CFAP299: variants seen among roughly 807,000 people sequenced by gnomAD.
CFAP299 encodes the protein cilia and flagella associated protein 299.
CFAP299 carries 21 observed loss-of-function variants against 27.0 expected under a neutral mutation model. The ratio of observed to expected loss-of-function variants is 0.78; its 90% CI spans 0.55 to 1.12. The LOEUF (loss-of-function observed/expected upper bound fraction) is 1.12. Ranked by LOEUF, CFAP299 falls within the 50% of genes most tolerant of loss-of-function variation. CFAP299 has a pLI of 0.00. For missense variants in CFAP299, 310 were observed against 276.6 expected (o/e 1.12, Z -0.86); for synonymous variants, 104 against 98.1 (o/e 1.06, Z -0.36).
At chr4:80,636,150 C>G (rs763880894) in intron 3 of CFAP299, among the ~76,000 whole-genome samples, 1 of 152,148 alleles carries the variant, frequency 6.6e-6, no homozygotes, top group East Asian at 1.9e-4. Flanking sequence ...TTCTCTGAAA[C>G]CTTCCTCCTT....
At chr4:80,895,561 A>G (rs1734573697) in intron 4 of CFAP299, among the ~76,000 whole-genome samples, 1 of 152,028 alleles carries the variant, frequency 6.6e-6, no homozygotes, top group Non-Finnish European at 1.5e-5. Context: ...CAGAAAATAT[A>G]TATATAATTT....
chr4:80,762,804 T>C (rs1725610618), intron 3 of CFAP299, among the ~76,000 whole-genome samples: 1 of 152,072 alleles, frequency 6.6e-6, no homozygotes, highest in Non-Finnish European at 1.5e-5. Flanking sequence ...CAGCATCCAA[T>C]GATGGACACA....
intron 2 of CFAP299, among the ~76,000 whole-genome samples, chr4:80,369,100 T>A (rs963850830): frequency 6.6e-6 from 1 of 152,192 alleles, no homozygotes; most frequent in African/African-American, 2.4e-5. Flanking sequence ...GGCCTTAGTA[T>A]CTCCACTGTA....
intron 2 of CFAP299, among the ~76,000 whole-genome samples, chr4:80,513,324 C>G (rs1288089112): frequency 1.3e-5 from 2 of 152,154 alleles, no homozygotes; most frequent in East Asian, 1.9e-4. Context: ...TCAGAGCAAG[C>G]ATCAGCAAAC....
rs536443259 is a variant in CFAP299, at chr4:80,341,105, C to T, written c.111+5226C>T. ...CTGCTTCTTTGAGTTAGATTCCAAT[C>T]CATTCCTTCCCACTGGGCAGGGGCC... On this transcript the variant is annotated intron_variant, in intron 1 of 5. Coordinates refer to ENST00000358105, the MANE Select transcript of CFAP299 (RefSeq NM_152770.3). Among the ~76,000 whole-genome samples the T allele has an allele frequency of 3.9e-5, 6 of 152,312 alleles. No homozygotes were observed. In the South Asian group the frequency reaches 1.2e-3, roughly 32 times the overall value.
At position 80,799,820 on chromosome 4, in the gene CFAP299, T is replaced by TTATATA. The variant is rs1394788228; in HGVS notation, c.334-70169_334-70164dup. ...ATTATATAATATATAAATATATATATTATATATATTTATATATTATATTAT... is the reference window on the plus strand; with the variant it reads ...ATTATATAATATATAAATATATATATTATATATATATATATTTATATATTATATTAT... On this transcript the variant is annotated intron_variant, in intron 3 of 5. Coordinates refer to ENST00000358105, the MANE Select transcript of CFAP299 (RefSeq NM_152770.3). 1.2e-3 allele frequency among the ~76,000 whole-genome samples: 44 copies of TTATATA among 36,510 alleles called. 1 individual carries two copies. Among genetic ancestry groups the TTATATA allele is most frequent in the Non-Finnish European group, 1.2e-3 (29 of 23,246 alleles). 24.0% of individuals were successfully genotyped at this position (36,510 alleles called of 152,430 possible).
intron 4 of CFAP299, among the ~76,000 whole-genome samples, chr4:80,930,699 A>T (rs1736570753): frequency 1.3e-5 from 2 of 152,128 alleles, no homozygotes; most frequent in South Asian, 2.1e-4. Flanking sequence ...TCACTCAGAC[A>T]CACCTGCTTA....
At chr4:80,772,734 C>T (rs2110084961) in intron 3 of CFAP299, among the ~76,000 whole-genome samples, 1 of 151,898 alleles carries the variant, frequency 6.6e-6, no homozygotes, top group South Asian at 2.1e-4. Context: ...TCCCAAAAGG[C>T]CCCGGAGTGT....
intron 2 of CFAP299, among the ~76,000 whole-genome samples, chr4:80,468,649 A>G (rs1729830026): frequency 6.6e-6 from 1 of 151,680 alleles, no homozygotes; most frequent in East Asian, 2.0e-4. Flanking sequence ...AGCCTGGCCA[A>G]TATGGTGAAA....
chr4:80,761,920 A>C (rs1250424402), intron 3 of CFAP299, among the ~76,000 whole-genome samples: 2 of 152,054 alleles, frequency 1.3e-5, no homozygotes, highest in Non-Finnish European at 2.9e-5. Context: ...ACACCAAATC[A>C]ATATAATTTT....
At chr4:80,502,014 T>G (rs368719272) in intron 2 of CFAP299, among the ~76,000 whole-genome samples, 7 of 152,182 alleles carry the variant, frequency 4.6e-5, no homozygotes, top group African/African-American at 1.4e-4. Flanking sequence ...TACGGATGAT[T>G]ACTTTTATAA....
chr4:80,862,065 G>A (rs542543847), intron 3 of CFAP299, among the ~76,000 whole-genome samples: 53 of 152,080 alleles, frequency 3.5e-4, no homozygotes, highest in East Asian at 3.1e-3. Context: ...TAATTTCACC[G>A]GCAATTCAAA....
intron 2 of CFAP299, chr4:80,388,646 A>G (rs1050835831): frequency 1.3e-5 from 17 of 1,287,934 alleles, no homozygotes; most frequent in Non-Finnish European, 1.9e-5. Flanking sequence ...TTGGCCATCC[A>G]GTAATGATGG....
intron 2 of CFAP299, among the ~76,000 whole-genome samples, chr4:80,460,645 T>TTTTATGCGTAAGAAA (rs756405889): frequency 1.5e-4 from 23 of 152,302 alleles, no homozygotes; most frequent in Non-Finnish European, 2.9e-5. Context: ...TCTGTTGTGT[T>TTTTATGCGTAAGAAA]TAACCACTGA....
At chr4:80,495,546 G>A (rs571552518) in intron 2 of CFAP299, among the ~76,000 whole-genome samples, 150 of 152,214 alleles carry the variant, frequency 9.9e-4, no homozygotes, top group African/African-American at 3.4e-3. Flanking sequence ...TCACACCTAT[G>A]ATCTCACCAT....
intron 2 of CFAP299, among the ~76,000 whole-genome samples, chr4:80,422,444 G>A (rs192540940): frequency 4.6e-5 from 7 of 151,888 alleles, no homozygotes; most frequent in East Asian, 1.9e-4. Flanking sequence ...CTGCTACTAC[G>A]CCCATAGGCC....
intron 3 of CFAP299, among the ~76,000 whole-genome samples, chr4:80,654,759 G>A (rs1419580922): frequency 2.7e-5 from 4 of 149,804 alleles, no homozygotes; most frequent in Non-Finnish European, 5.9e-5. Context: ...AGGCATGCAT[G>A]CCACCATGCC....
intron 2 of CFAP299, among the ~76,000 whole-genome samples, chr4:80,427,394 T>C (rs1243073085): frequency 6.6e-6 from 1 of 152,200 alleles, no homozygotes; most frequent in East Asian, 1.9e-4. Flanking sequence ...GAAATATTAT[T>C]ATTGCTATGC....
In CFAP299 at chr4:80,666,355, C is replaced by T. The variant is rs533306024; in HGVS notation, c.333+83172C>T. On this transcript the variant is annotated intron_variant, in intron 3 of 5. Transcript: ENST00000358105. ...GTTTTCATCTCATGGTGAAGGCTCA[C>T]AAATCTCTATCATTTTTGCTCTCTC... 1.1e-4 allele frequency among the ~76,000 whole-genome samples: 17 copies of T among 152,142 alleles called. 1 individual carries two copies. The highest frequency in any genetic ancestry group is 3.9e-4 in the African/African-American group (16 of 41,520).
Sources: gnomAD v4.1 joint callset for allele counts (sites outside exome capture counted in the v4.1 genomes callset) on GRCh38, gnomAD v4.1.1 for gene constraint, MANE v1.5 for transcripts, NCBI Gene and HGNC (gene_info 2026-07-23, HGNC 2026-07-21) for gene names.